PRC1: variants seen among roughly 807,000 people sequenced by gnomAD.
PRC1 encodes anaphase spindle elongation 1 homolog.
In PRC1, 54 loss-of-function variants were observed where a neutral mutation model predicts 91.2. That is an observed-to-expected ratio of 0.59 (90% CI 0.48 to 0.74). The LOEUF (loss-of-function observed/expected upper bound fraction) is 0.74. PRC1 is among the 30% of genes least tolerant of loss of function. The pLI is 0.00. For missense variants in PRC1, 727 were observed against 746.2 expected (o/e 0.97, Z 0.30); for synonymous variants, 275 against 263.6 (o/e 1.04, Z -0.42).
At chr15:90,990,327 C>T (rs2039891533) in intron 1 of PRC1, among the ~76,000 whole-genome samples, 1 of 149,368 alleles carries the variant, frequency 6.7e-6, no homozygotes, top group Non-Finnish European at 1.5e-5. Context: ...CAGAGTGAGA[C>T]TCCATCTCAA....
intron 13 of PRC1, 47 bp downstream of exon 13, chr15:90,969,400 A>G (rs776298096): frequency 1.9e-6 from 3 of 1,550,058 alleles, no homozygotes; most frequent in Admixed American, 3.7e-5. Context: ...CTCTGCCCCA[A>G]CTGTGTGCTC....
intron 1 of PRC1, among the ~76,000 whole-genome samples, chr15:90,990,061 G>C (rs1053232440): frequency 1.3e-5 from 2 of 151,858 alleles, no homozygotes; most frequent in East Asian, 3.9e-4. Flanking sequence ...TTTTTAGGCC[G>C]GGTGCGGTGG....
Position 90,974,690 on chromosome 15 carries a change from C to T in PRC1, c.1245G>A (p.Gln415=), listed in dbSNP as rs1174998949. Residue 415 remains glutamine (Q), a synonymous_variant, in exon 10 of 15, where the codon CAG becomes CAA. Coordinates refer to ENST00000394249, the MANE Select transcript of PRC1 (RefSeq NM_003981.4). The surrounding 1 kb of genome is among the most constrained non-coding windows in gnomAD (Gnocchi z 4.6). ...ELKARIELWE[Q]EHSKAFMVNG... ...TCACCATAAATGCCTTTGAATGTTCCTGTTCCCACAATTCAATTCGTGCCT... is the reference window on the plus strand; with the variant it reads ...TCACCATAAATGCCTTTGAATGTTCTTGTTCCCACAATTCAATTCGTGCCT... The T allele has an allele frequency of 1.2e-6, 2 of 1,614,230 alleles. No individual in the cohort carries two copies. The highest frequency in any genetic ancestry group is 1.3e-5 in the African/African-American group (1 of 75,060).
chr15:90,984,223 T>C lies in PRC1; in HGVS notation c.145-83A>G. On this transcript the variant is annotated intron_variant, in intron 2 of 14. Transcript: ENST00000394249. This position sits in a 1 kb window ranked among gnomAD's most constrained non-coding sequence, Gnocchi z 5.1. ...ACCAATACCAAACTCCTCAAATTTCTTTTTTCTTTTTCTTTTTTTCTTTGA... is the reference window on the plus strand; with the variant it reads ...ACCAATACCAAACTCCTCAAATTTCCTTTTTCTTTTTCTTTTTTTCTTTGA... The C allele has an allele frequency of 1.3e-6, 2 of 1,521,162 alleles. No homozygotes were observed. Among genetic ancestry groups the C allele is most frequent in the African/African-American group, 2.8e-5 (2 of 71,590 alleles). 94.2% of individuals were successfully genotyped at this position (1,521,162 alleles called of 1,614,324 possible).
chr15:90,970,740 C>T (rs1429152819), intron 11 of PRC1, among the ~76,000 whole-genome samples: 1 of 152,206 alleles, frequency 6.6e-6, no homozygotes, highest in African/African-American at 2.4e-5. Flanking sequence ...AATGGTACAA[C>T]CACTGTGGCA....
intron 11 of PRC1, among the ~76,000 whole-genome samples, chr15:90,973,477 C>T (rs972861645): frequency 6.6e-6 from 1 of 152,140 alleles, no homozygotes; most frequent in Admixed American, 6.5e-5. Flanking sequence ...GATATGGCCT[C>T]GTGGGAAGGG....
At position 90,987,675 on chromosome 15, in the gene PRC1, A is replaced by G. The variant is rs373825156; in HGVS notation, c.12-2850T>C. On this transcript the variant is annotated intron_variant, in intron 1 of 14. Coordinates refer to ENST00000394249, the MANE Select transcript of PRC1 (RefSeq NM_003981.4). The stretch of plus-strand genomic sequence containing the variant: ...CTGCCCTGGCACCAGAGAAACTACA[A>G]TCTAGATGTGCTCTGCTTCCAGTCG... The G allele has an allele frequency of 2.6e-4, 40 of 152,324 alleles. 2 individuals are homozygous for G. The highest frequency in any genetic ancestry group is 8.7e-4 in the African/African-American group (36 of 41,566). 9.4% of individuals were successfully genotyped at this position (152,324 alleles called of 1,614,324 possible).
At chr15:90,968,590 A>T (rs1420245018) in intron 14 of PRC1, 1 of 992,024 alleles carries the variant, frequency 1.0e-6, no homozygotes, top group African/African-American at 1.7e-5. Context: ...TCAGTAGCTC[A>T]ATGTATGGAA....
At position 90,974,175 on chromosome 15, in the gene PRC1, C is replaced by T. The variant is rs2038444605; in HGVS notation, c.1422G>A (p.Arg474=). 1 of 1,614,186 alleles carries T rather than the reference C, an allele frequency of 6.2e-7. No individual in the cohort carries two copies. ...CCGGTGTATTGGGAGCCAGTCCTCG[C>T]CGCTTGCTAGGTGTTCGAGGAGCGC... ...YGSAPRTPSK[R]RGLAPNTPGK... is the part of the protein sequence containing the mutation. Residue 474 remains arginine (R), a synonymous_variant, in exon 11 of 15, where the codon CGG becomes CGA. Transcript: ENST00000394249. The surrounding 1 kb of genome is among the most constrained non-coding windows in gnomAD (Gnocchi z 4.6).
chr15:90,991,191 G>A (rs960082334), intron 1 of PRC1, among the ~76,000 whole-genome samples: 5 of 151,654 alleles, frequency 3.3e-5, no homozygotes, highest in Non-Finnish European at 5.9e-5. Context: ...CAAGGCGGGC[G>A]GATCACCTGA....
intron 11 of PRC1, chr15:90,973,224 T>G (rs928752221): frequency 6.6e-6 from 1 of 152,386 alleles, no homozygotes; most frequent in East Asian, 1.9e-4. Context: ...AATCTGCAAC[T>G]TTAGCCCCAA....
intron 14 of PRC1, chr15:90,967,807 A>G: frequency 1.0e-6 from 1 of 977,306 alleles, no homozygotes; most frequent in Non-Finnish European, 1.2e-6. Context: ...CATTCTCAGA[A>G]CATATCCCTG....
rs760535884 is a variant in PRC1 at position 90,980,885 on chromosome 15, G to A, written c.821C>T (p.Ala274Val). Residue 274 changes from alanine to valine, a missense_variant and splice_region_variant, in exon 6 of 15, where the codon GCG becomes GTG. By Grantham distance (64) the Ala-to-Val change is moderately conservative. Coordinates refer to ENST00000394249, the MANE Select transcript of PRC1 (RefSeq NM_003981.4). ...CCCAGTACCCACTGGGTTTCTTACC[G>A]CTTTCCGGACCTTGGCCTTTGACCC... ...MSGSKAKVRK[A>V]LQLEVDRLEE... is the part of the protein sequence containing the mutation. The A allele has an allele frequency of 3.1e-6, 5 of 1,614,000 alleles. No individual in the cohort carries two copies. Among genetic ancestry groups the A allele is most frequent in the Middle Eastern group, 1.6e-4 (1 of 6,084 alleles).
intron 1 of PRC1, chr15:90,988,711 A>C (rs1211907115): frequency 6.6e-6 from 1 of 152,236 alleles, no homozygotes; most frequent in East Asian, 1.9e-4. Flanking sequence ...GTCACTCACC[A>C]TTCCCCCCAA....
chr15:90,978,841 G>A (rs1319979057), intron 8 of PRC1, among the ~76,000 whole-genome samples: 1 of 151,160 alleles, frequency 6.6e-6, no homozygotes, highest in African/African-American at 2.4e-5. Flanking sequence ...CACCCTTAGT[G>A]GTGGGGGAGC....
At chr15:90,969,734 A>G (rs938088497) in intron 12 of PRC1, 111 bp from the exon 13 acceptor site, 1 of 622,318 alleles carries the variant, frequency 1.6e-6, no homozygotes. Context: ...TCATGTCTAT[A>G]ATCCTATACT....
Position 90,980,964 on chromosome 15 carries a change from C to T in PRC1, c.742G>A (p.Asp248Asn), listed in dbSNP as rs749769477. ...GLRTQIRELW[D>N]RLQIPEEERE... ...TCTTCTTCAGGTATTTGCAACCTGT[C>T]CCAGAGCTCTCGGATTTGAGTACGC... Residue 248 changes from aspartate (D) to asparagine (N), a missense_variant, in exon 6 of 15, where the codon GAC becomes AAC. Asp to Asn is a conservative substitution (Grantham distance 23, BLOSUM62 1). Coordinates refer to ENST00000394249, the MANE Select transcript of PRC1 (RefSeq NM_003981.4). 1.9e-5 allele frequency: 30 copies of T among 1,614,048 alleles called. No homozygotes were observed. Among genetic ancestry groups the T allele is most frequent in the Non-Finnish European group, 2.3e-5 (27 of 1,180,044 alleles).
At chr15:90,969,868 A>G (rs2037941286) in intron 12 of PRC1, among the ~76,000 whole-genome samples, 1 of 150,086 alleles carries the variant, frequency 6.7e-6, no homozygotes, top group Non-Finnish European at 1.5e-5. Flanking sequence ...GGATTGCTTG[A>G]GGCGACATGT....
chr15:90,987,179 G>T (rs1435304513), intron 1 of PRC1, among the ~76,000 whole-genome samples: 2 of 151,800 alleles, frequency 1.3e-5, no homozygotes, highest in African/African-American at 4.8e-5. Flanking sequence ...TACTCAGGAG[G>T]CTGAGGTGGG....
Sources: gnomAD v4.1 joint callset for allele counts (sites outside exome capture counted in the v4.1 genomes callset) on GRCh38, gnomAD v4.1.1 for gene constraint, Gnocchi (gnomAD v3.1) non-coding constraint, MANE v1.5 for transcripts, NCBI Gene and HGNC (gene_info 2026-07-23, HGNC 2026-07-21) for gene names.